The following NR2F1-AS1 variants were observed in gnomAD, a reference collection of about 807,000 sequenced individuals.
NR2F1-AS1 encodes the protein NR2F1 regulatory antisense RNA 1.
chr5:93,441,325 A>C (rs1011530490), intron 4 of NR2F1-AS1, among the ~76,000 whole-genome samples: 4 of 152,212 alleles, frequency 2.6e-5, no homozygotes, highest in African/African-American at 7.2e-5. Flanking sequence ...TGGAAAGAGA[A>C]GCTTAGAATG....
At chr5:93,441,740 T>C (rs1209816330) in intron 4 of NR2F1-AS1, among the ~76,000 whole-genome samples, 2 of 152,242 alleles carry the variant, frequency 1.3e-5, no homozygotes, top group African/African-American at 4.8e-5. Context: ...TTCCTGAGCC[T>C]TGGCTTCCTC....
intron 4 of NR2F1-AS1, among the ~76,000 whole-genome samples, chr5:93,505,477 C>G (rs1751166905): frequency 6.6e-6 from 1 of 152,202 alleles, no homozygotes; most frequent in Non-Finnish European, 1.5e-5. Flanking sequence ...TTCTGCACTG[C>G]CCCAGCAGAG....
At chr5:93,562,539 C>T (rs1174251523) in intron 2 of NR2F1-AS1, among the ~76,000 whole-genome samples, 1 of 152,184 alleles carries the variant, frequency 6.6e-6, no homozygotes, top group Non-Finnish European at 1.5e-5. Context: ...AGCGATCCAT[C>T]CACCTCAGCC....
intron 2 of NR2F1-AS1, among the ~76,000 whole-genome samples, chr5:93,555,760 C>T (rs1034258462): frequency 2.0e-5 from 3 of 152,002 alleles, no homozygotes; most frequent in South Asian, 2.1e-4. Context: ...CATATTTAGA[C>T]AATACTACAG....
chr5:93,500,342 G>T (rs958713250), intron 4 of NR2F1-AS1, among the ~76,000 whole-genome samples: 4 of 152,058 alleles, frequency 2.6e-5, no homozygotes, highest in Non-Finnish European at 5.9e-5. Flanking sequence ...GGGCCCTTAA[G>T]AATTATGCTA....
In NR2F1-AS1 at chr5:93,446,347, G is replaced by T. The variant is rs971139297; in HGVS notation, n.639-50805C>A. 4.6e-5 allele frequency among the ~76,000 whole-genome samples: 7 copies of T among 152,192 alleles called. No individual in the cohort carries two copies. The East Asian group carries it at 1.2e-3, about 25-fold the overall frequency. ...CTCCTTAAGCTGATAAGTAACTTCAGCAAAGTCTCAGGATACAAAATCAAT... is the reference window on the plus strand; with the variant it reads ...CTCCTTAAGCTGATAAGTAACTTCATCAAAGTCTCAGGATACAAAATCAAT... On this transcript the variant is annotated intron_variant and non_coding_transcript_variant, in intron 4 of 5. Transcript: ENST00000660523.
chr5:93,574,595 A>G (rs1752851582), intron 1 of NR2F1-AS1, among the ~76,000 whole-genome samples: 1 of 152,154 alleles, frequency 6.6e-6, no homozygotes, highest in Admixed American at 6.6e-5. Flanking sequence ...AAGAAAAGAA[A>G]GGTCAGGAAG....
intron 4 of NR2F1-AS1, among the ~76,000 whole-genome samples, chr5:93,512,353 A>G (rs1751315974): frequency 6.6e-6 from 1 of 152,218 alleles, no homozygotes; most frequent in African/African-American, 2.4e-5. Flanking sequence ...CAATGTGTTT[A>G]TGTTTTAAGC....
intron 2 of NR2F1-AS1, among the ~76,000 whole-genome samples, chr5:93,557,181 T>A (rs1752376191): frequency 6.6e-6 from 1 of 152,168 alleles, no homozygotes; most frequent in South Asian, 2.1e-4. Flanking sequence ...TAAAATGAAG[T>A]TATATAAATT....
At chr5:93,426,663 T>C (rs139704931) in intron 4 of NR2F1-AS1, among the ~76,000 whole-genome samples, 331 of 152,272 alleles carry the variant, frequency 2.2e-3, no homozygotes, top group African/African-American at 7.6e-3. Context: ...AACACTCATA[T>C]CAAATCACAA....
At chr5:93,575,318 T>A (rs1196366268) in intron 1 of NR2F1-AS1, among the ~76,000 whole-genome samples, 1 of 152,276 alleles carries the variant, frequency 6.6e-6, no homozygotes, top group African/African-American at 2.4e-5. Context: ...GATGTTTTTC[T>A]TTTTGAAGTA....
chr5:93,465,723 A>T (rs1013312193), intron 4 of NR2F1-AS1, among the ~76,000 whole-genome samples: 4 of 152,248 alleles, frequency 2.6e-5, no homozygotes, highest in African/African-American at 7.2e-5. Flanking sequence ...ACACATATAC[A>T]ACATGGAATA....
At chr5:93,480,646 G>A (rs770702298) in intron 4 of NR2F1-AS1, among the ~76,000 whole-genome samples, 29 of 152,004 alleles carry the variant, frequency 1.9e-4, no homozygotes, top group Admixed American at 1.5e-3. Flanking sequence ...TTCATTTCCT[G>A]TATGATTTAA....
chr5:93,449,242 T>C (rs1749779665), intron 4 of NR2F1-AS1, among the ~76,000 whole-genome samples: 1 of 152,270 alleles, frequency 6.6e-6, no homozygotes, highest in Non-Finnish European at 1.5e-5. Flanking sequence ...TAATGGGTTA[T>C]ATGCTAGATT....
chr5:93,569,057 G>A (rs1241026333), intron 1 of NR2F1-AS1, among the ~76,000 whole-genome samples: 3 of 152,076 alleles, frequency 2.0e-5, no homozygotes, highest in African/African-American at 7.2e-5. Context: ...GAAAAGCAAT[G>A]ACTTTCTCCC....
chr5:93,521,116 G>C (rs1311460692), intron 4 of NR2F1-AS1, among the ~76,000 whole-genome samples: 1 of 152,038 alleles, frequency 6.6e-6, no homozygotes, highest in African/African-American at 2.4e-5. Flanking sequence ...CACGCAATGG[G>C]GAAAAGACTC....
At chr5:93,571,006 C>T (rs1168210774) in intron 1 of NR2F1-AS1, 1 of 152,170 alleles carries the variant, frequency 6.6e-6, no homozygotes, top group Non-Finnish European at 1.5e-5. Flanking sequence ...GGGTCAGGGT[C>T]GTGAAGAGAC....
At chr5:93,573,816 G>A (rs995189294) in intron 1 of NR2F1-AS1, among the ~76,000 whole-genome samples, 3 of 152,214 alleles carry the variant, frequency 2.0e-5, no homozygotes, top group South Asian at 4.1e-4. Context: ...CATCTATCAC[G>A]CCAACCTGGG....
intron 4 of NR2F1-AS1, among the ~76,000 whole-genome samples, chr5:93,525,796 C>T (rs1023821029): frequency 6.6e-6 from 1 of 152,112 alleles, no homozygotes; most frequent in South Asian, 2.1e-4. Flanking sequence ...TAAATAAGTT[C>T]TTAGAAACCA....
Sources: gnomAD v4.1 joint callset for allele counts (sites outside exome capture counted in the v4.1 genomes callset) on GRCh38, gnomAD v4.1.1 for gene constraint, MANE v1.5 for transcripts, NCBI Gene and HGNC (gene_info 2026-07-23, HGNC 2026-07-21) for gene names.